ZNF425: variants seen among roughly 807,000 people sequenced by gnomAD.
ZNF425 encodes the protein zinc finger protein 425.
Under a neutral mutation model 17.0 loss-of-function variants are expected in ZNF425, and 21 were observed. The ratio of observed to expected loss-of-function variants is 1.23; its 90% CI spans 0.88 to 1.78. The LOEUF (loss-of-function observed/expected upper bound fraction) is 1.78. ZNF425 is among the 40% of genes most tolerant of loss of function. ZNF425 has a pLI of 0.00. For missense variants in ZNF425, 868 were observed against 967.3 expected, an observed-to-expected ratio of 0.90 and a Z score of 1.36; for synonymous variants, 433 against 384.1, an observed-to-expected ratio of 1.13 and a Z score of -1.49.
chr7:149,126,199 A>G lies in ZNF425; in HGVS notation c.15T>C (p.Ala5=). 6.2e-7 allele frequency: 1 copy of G among 1,612,880 alleles called. No individual in the cohort carries two copies. Among genetic ancestry groups the G allele is most frequent in the Non-Finnish European group, 8.5e-7 (1 of 1,179,606 alleles). The change falls in exon 1 of 4, where the codon GCT becomes GCC. Residue 5 remains alanine (A), a synonymous_variant. Transcript: ENST00000378061. ...ATCCTCCACCGGCCCTTCTTACCGA[A>G]GCCGGCTCGGCCATGGCGGTTCCGC... MAEP[A]SVTVTFDDVA...
chr7:149,126,247 G>A lies in ZNF425; in HGVS notation c.-34C>T, dbSNP rs759528185. On this transcript the variant is annotated 5_prime_UTR_variant, in exon 1 of 4. Transcript: ENST00000378061. ...CGCACGAACCGGCCCTGCCTGGCAC[G>A]GCCTCCCCTCCGCTCCGCCCCAACC... The A allele has an allele frequency of 2.1e-5, 34 of 1,607,322 alleles. No individual in the cohort carries two copies. In the East Asian group the frequency reaches 5.2e-4, roughly 24 times the overall value.
chr7:149,111,070 C>T (rs1826166887), intron 3 of ZNF425, among the ~76,000 whole-genome samples: 1 of 151,942 alleles, frequency 6.6e-6, no homozygotes, highest in Non-Finnish European at 1.5e-5. Context: ...GCTAGGATTA[C>T]AGGCATGAGC....
At position 149,105,231 on chromosome 7, in the gene ZNF425, T is replaced by TG. The variant is rs768904851; in HGVS notation, c.639dup (p.Lys214GlnfsTer37). ...TTTGGGTATCTGCAGAGCTGGCTCT[T>TG]GGAGTGGCTCCGTTTGTGCTTTAGC... On this transcript the variant is annotated frameshift_variant, in exon 4 of 4. Coordinates refer to ENST00000378061, the MANE Select transcript of ZNF425 (RefSeq NM_001001661.3). LOFTEE classifies it low-confidence loss of function (END_TRUNC). 14 of 1,614,120 alleles carry TG rather than the reference T, an allele frequency of 8.7e-6. No homozygotes were observed. Among genetic ancestry groups the TG allele is most frequent in the African/African-American group, 1.3e-5 (1 of 74,944 alleles).
chr7:149,105,646 T>C, intron 3 of ZNF425, 80 bp from the exon 4 acceptor site: 1 of 792,292 alleles, frequency 1.3e-6, no homozygotes, highest in South Asian at 6.2e-5. Flanking sequence ...TTTAAAAATT[T>C]ATTATTATTA....
chr7:149,112,792 G>C (rs1380247602), intron 2 of ZNF425, among the ~76,000 whole-genome samples: 1 of 151,590 alleles, frequency 6.6e-6, no homozygotes, highest in Non-Finnish European at 1.5e-5. Flanking sequence ...TCAGCCTCCT[G>C]AGTAGCTGGG....
intron 3 of ZNF425, among the ~76,000 whole-genome samples, chr7:149,106,710 G>T (rs909786382): frequency 6.6e-6 from 1 of 152,128 alleles, no homozygotes; most frequent in African/African-American, 2.4e-5. Flanking sequence ...GAAATTCATA[G>T]TTCACATCTT....
At chr7:149,117,797 C>T (rs921700073) in intron 2 of ZNF425, among the ~76,000 whole-genome samples, 1 of 151,858 alleles carries the variant, frequency 6.6e-6, no homozygotes, top group African/African-American at 2.4e-5. Flanking sequence ...GGATTACAGG[C>T]ATGCACCAAC....
intron 1 of ZNF425, among the ~76,000 whole-genome samples, chr7:149,122,704 T>C (rs972900363): frequency 6.6e-6 from 1 of 152,112 alleles, no homozygotes; most frequent in African/African-American, 2.4e-5. Flanking sequence ...TTTTTGTTTT[T>C]GTTTTTTTGT....
chr7:149,117,452 T>C (rs1273672165), intron 2 of ZNF425, among the ~76,000 whole-genome samples: 3 of 152,026 alleles, frequency 2.0e-5, no homozygotes, highest in Non-Finnish European at 4.4e-5. Context: ...ATTCACACCA[T>C]GCACTATGTT....
chr7:149,105,431 C>G lies in ZNF425; in HGVS notation c.440G>C (p.Ser147Thr), dbSNP rs369821942. The G allele has an allele frequency of 1.5e-5, 24 of 1,557,590 alleles. No individual in the cohort carries two copies. Among genetic ancestry groups the G allele is most frequent in the Non-Finnish European group, 4.3e-6 (5 of 1,156,908 alleles). The change falls in exon 4 of 4, where the codon AGT (serine) becomes ACT (threonine). Residue 147 changes from serine (S) to threonine (T), a missense_variant. By Grantham distance (58) the Ser-to-Thr change is moderately conservative. This residue lies in a region of ZNF425 where 179 missense variants were observed against 216.3 expected (regional missense o/e 0.83). Coordinates refer to ENST00000378061, the MANE Select transcript of ZNF425 (RefSeq NM_001001661.3). Reference sequence around the variant, plus strand: ...ATTTAGAATCTCTGTTTCTCGGAGACTTGGAGACTGGAAGGTGGCTGTTTG... The same window carrying G: ...ATTTAGAATCTCTGTTTCTCGGAGAGTTGGAGACTGGAAGGTGGCTGTTTG... ...LAQTATFQSPSLRETEILNKK... is the reference protein window; with the variant it reads ...LAQTATFQSPTLRETEILNKK...
intron 1 of ZNF425, among the ~76,000 whole-genome samples, chr7:149,122,290 T>C (rs1226319257): frequency 6.6e-6 from 1 of 151,878 alleles, no homozygotes; most frequent in East Asian, 1.9e-4. Context: ...GATTCTTTTT[T>C]TTTTTAAATA....
At chr7:149,112,380 TC>T in intron 2 of ZNF425, 85 bp from the exon 3 acceptor site, 2 of 1,257,056 alleles carry the variant, frequency 1.6e-6, no homozygotes, top group Non-Finnish European at 2.2e-6. Context: ...ACGCCTGTAA[TC>T]CCAGCACTTT....
chr7:149,120,831 T>G (rs1826338149), intron 1 of ZNF425, among the ~76,000 whole-genome samples: 1 of 152,184 alleles, frequency 6.6e-6, no homozygotes, highest in Non-Finnish European at 1.5e-5. Context: ...CCGAGTAGTA[T>G]TCCATGGTAT....
At chr7:149,119,520 A>G (rs1440258359) in intron 1 of ZNF425, among the ~76,000 whole-genome samples, 1 of 152,196 alleles carries the variant, frequency 6.6e-6, no homozygotes, top group Non-Finnish European at 1.5e-5. Flanking sequence ...CTGTTATTTC[A>G]TCGCATATGC....
chr7:149,114,162 G>A (rs1003552903), intron 2 of ZNF425, among the ~76,000 whole-genome samples: 25 of 150,616 alleles, frequency 1.7e-4, no homozygotes, highest in African/African-American at 6.1e-4. Context: ...GGGTTCAAGC[G>A]ATTCTCCTGC....
rs1235969610 is a variant in ZNF425, at chr7:149,104,832, C to T, written c.1039G>A (p.Val347Ile). The T allele has an allele frequency of 6.2e-7, 1 of 1,613,710 alleles. No homozygotes were observed. The highest frequency in any genetic ancestry group is 1.7e-5 in the Admixed American group (1 of 59,982). The change falls in exon 4 of 4, where the codon GTC becomes ATC. Residue 347 changes from valine (V) to isoleucine (I), a missense_variant. Val to Ile is a conservative substitution (Grantham distance 29). Around this residue, in one of 5 missense-constraint regions of ZNF425, gnomAD observed 243 missense variants for 265.2 expected, o/e 0.92. Coordinates refer to ENST00000378061, the MANE Select transcript of ZNF425 (RefSeq NM_001001661.3). The surrounding 1 kb of genome is among the most constrained non-coding windows in gnomAD (Gnocchi z 4.3). ...RCFRLKRGMK[V>I]HLTQHSGKRP... The stretch of plus-strand genomic sequence containing the variant: ...TTCCCGCTGTGCTGGGTCAGATGGA[C>T]CTTCATGCCCCTCTTCAGGCGGAAG...
chr7:149,109,130 T>C (rs534231970), intron 3 of ZNF425, among the ~76,000 whole-genome samples: 79 of 149,898 alleles, frequency 5.3e-4, no homozygotes, highest in Non-Finnish European at 6.8e-4. Context: ...CAGGCTGGAG[T>C]GCAGTGGCGC....
At chr7:149,119,820 A>T (rs56848387) in intron 1 of ZNF425, among the ~76,000 whole-genome samples, 5,555 of 152,320 alleles carry the variant, frequency 0.036, 331 homozygotes, top group African/African-American at 0.13. Context: ...CAAATTTTTT[A>T]AAATCCAGCA....
At position 149,104,563 on chromosome 7, in the gene ZNF425, G is replaced by A. The variant is rs1272570938; in HGVS notation, c.1308C>T (p.His436=). The A allele has an allele frequency of 6.2e-7, 1 of 1,613,696 alleles. No homozygotes were observed. Among genetic ancestry groups the A allele is most frequent in the Non-Finnish European group, 8.5e-7 (1 of 1,179,890 alleles). The change falls in exon 4 of 4, where the codon CAC becomes CAT. Residue 436 remains histidine (H), a synonymous_variant. Transcript: ENST00000378061. The surrounding 1 kb of genome is among the most constrained non-coding windows in gnomAD (Gnocchi z 4.3). ...GGCACTGGAAGGGCCGCTTCCCAAT[G>A]TGCTGCAGCCCGTGGGCTTTCAGGC... The part of the protein sequence containing the change: ...KRSLKAHGLQ[H]IGKRPFQCPE...
Sources: allele counts gnomAD v4.1 joint callset (sites outside exome capture counted in the v4.1 genomes callset), GRCh38; gene constraint gnomAD v4.1.1; regional missense constraint gnomAD v4.1.1; non-coding constraint Gnocchi (gnomAD v3.1); transcripts MANE v1.5; gene names NCBI Gene and HGNC (gene_info 2026-07-23, HGNC 2026-07-21).